Variants in ADAM18 observed in about 807,000 individuals in gnomAD.
ADAM18 encodes disintegrin and metalloproteinase domain-containing protein 18.
ADAM18 carries 117 observed loss-of-function variants against 94.4 expected under a neutral mutation model. The observed-to-expected ratio is 1.24, with a 90% CI of 1.07 to 1.45. The LOEUF is 1.45. Among genes scored for constraint, ADAM18 ranks in the 40% most tolerant of loss-of-function variants. The pLI is 0.00. For missense variants in ADAM18, 936 were observed against 880.0 expected (o/e 1.06, Z -0.81); for synonymous variants, 327 against 291.6 (o/e 1.12, Z -1.24).
At chr8:39,602,414 A>AT (rs1563270174) in intron 2 of ADAM18, among the ~76,000 whole-genome samples, 1 of 152,074 alleles carries the variant, frequency 6.6e-6, no homozygotes, top group African/African-American at 2.4e-5. Flanking sequence ...TACTCTTATG[A>AT]TTTTATAGGT....
chr8:39,698,916 A>G (rs1210025042), intron 17 of ADAM18, among the ~76,000 whole-genome samples: 3 of 152,096 alleles, frequency 2.0e-5, no homozygotes, highest in Non-Finnish European at 2.9e-5. Context: ...AACTCTAAGA[A>G]TTACAGCAGT....
chr8:39,645,312 T>C (rs746879401), intron 10 of ADAM18, 26 bp from the exon 11 acceptor site: 2 of 1,566,106 alleles, frequency 1.3e-6, no homozygotes, highest in Admixed American at 3.8e-5. Context: ...ACATAATAAT[T>C]TTCTTTTTCA....
chr8:39,678,501 A>C lies in ADAM18; in HGVS notation c.1631+965A>C, dbSNP rs138837032. ...AGAAAGGTGGAATCACAAAGAAAGTACTGATGAGTGGGGATCTCAGGAGGA... is the reference window on the plus strand; with the variant it reads ...AGAAAGGTGGAATCACAAAGAAAGTCCTGATGAGTGGGGATCTCAGGAGGA... On this transcript the variant is annotated intron_variant, in intron 15 of 19. Transcript: ENST00000265707. 8.1e-3 allele frequency among the ~76,000 whole-genome samples: 1,233 copies of C among 152,270 alleles called. 17 individuals carry two copies. Among genetic ancestry groups the C allele is most frequent in the African/African-American group, 0.028 (1,165 of 41,548 alleles).
intron 15 of ADAM18, among the ~76,000 whole-genome samples, chr8:39,679,318 G>C (rs1483224882): frequency 1.3e-5 from 2 of 152,082 alleles, no homozygotes; most frequent in Admixed American, 1.3e-4. Flanking sequence ...TTGATAATTA[G>C]ATTTCAATAA....
At chr8:39,627,530 A>T (rs1048747599) in intron 6 of ADAM18, among the ~76,000 whole-genome samples, 1 of 151,906 alleles carries the variant, frequency 6.6e-6, no homozygotes, top group Admixed American at 6.6e-5. Context: ...TAAGAATAGC[A>T]CCTCCTGCTT....
intron 13 of ADAM18, among the ~76,000 whole-genome samples, chr8:39,666,989 G>A (rs1563298252): frequency 6.6e-6 from 1 of 152,084 alleles, no homozygotes; most frequent in South Asian, 2.1e-4. Flanking sequence ...ACTATGGATG[G>A]CAATCTATTA....
At chr8:39,713,626 C>T (rs1318965561) in intron 18 of ADAM18, among the ~76,000 whole-genome samples, 3 of 152,054 alleles carry the variant, frequency 2.0e-5, no homozygotes, top group African/African-American at 4.8e-5. Context: ...AAAAAGTGGG[C>T]AAAGGATATC....
intron 11 of ADAM18, among the ~76,000 whole-genome samples, chr8:39,646,392 T>G (rs1346996800): frequency 1.3e-5 from 2 of 151,410 alleles, no homozygotes; most frequent in African/African-American, 4.9e-5. Flanking sequence ...TTAAAACAAT[T>G]AAAATAATCA....
At chr8:39,657,377 T>C (rs375977756) in intron 12 of ADAM18, among the ~76,000 whole-genome samples, 1 of 152,198 alleles carries the variant, frequency 6.6e-6, no homozygotes, top group Non-Finnish European at 1.5e-5. Flanking sequence ...AGTGGCTTGA[T>C]GTCAGCTCAC....
chr8:39,675,929 C>T (rs144289286), intron 14 of ADAM18, among the ~76,000 whole-genome samples: 2,140 of 152,298 alleles, frequency 0.014, 25 homozygotes, highest in Non-Finnish European at 0.023. Flanking sequence ...CACTCCAGAC[C>T]CTGTTTCCCT....
intron 14 of ADAM18, 30 bp downstream of exon 14, chr8:39,668,226 C>T (rs1428734023): frequency 1.9e-6 from 3 of 1,605,114 alleles, no homozygotes; most frequent in South Asian, 2.2e-5. Flanking sequence ...ATTTATTTTA[C>T]CTTACATTTG....
chr8:39,635,878 TA>T (rs1331511677), intron 7 of ADAM18, among the ~76,000 whole-genome samples: 3 of 152,208 alleles, frequency 2.0e-5, no homozygotes, highest in Admixed American at 6.5e-5. Flanking sequence ...AAGCTGTTGT[TA>T]AAGCAGTGTT....
intron 3 of ADAM18, 68 bp from the exon 4 acceptor site, chr8:39,608,974 T>C (rs554855558): frequency 1.3e-5 from 11 of 871,846 alleles, no homozygotes; most frequent in South Asian, 1.1e-4. Flanking sequence ...AAAATGTATG[T>C]AATATTTGTT....
intron 6 of ADAM18, among the ~76,000 whole-genome samples, chr8:39,613,748 A>G (rs7838768): frequency 0.91 from 138,564 of 152,194 alleles, 63,260 homozygotes; most frequent in Middle Eastern, 0.98. Flanking sequence ...ACAATGAGGA[A>G]GTGAAAGAGG....
Position 39,700,605 on chromosome 8 carries a change from G to A in ADAM18, c.1903-6185G>A, listed in dbSNP as rs889679923. Among the ~76,000 whole-genome samples, 8 of 151,678 alleles carry A rather than the reference G, an allele frequency of 5.3e-5. 1 individual carries two copies. Among genetic ancestry groups the A allele is most frequent in the Admixed American group, 2.6e-4 (4 of 15,226 alleles). ...CCAACCTCTTTTTATTTAACTAATT[G>A]GGACATTATTAACATTAATTTCTGA... On this transcript the variant is annotated intron_variant, in intron 17 of 19. Transcript: ENST00000265707.
chr8:39,652,477 T>A (rs559823596), intron 12 of ADAM18, among the ~76,000 whole-genome samples: 2 of 152,192 alleles, frequency 1.3e-5, no homozygotes, highest in Non-Finnish European at 2.9e-5. Context: ...GTAATTCAAA[T>A]TAAAATCAGA....
chr8:39,633,344 C>T (rs944344822), intron 7 of ADAM18, among the ~76,000 whole-genome samples: 2 of 152,108 alleles, frequency 1.3e-5, no homozygotes, highest in African/African-American at 4.8e-5. Flanking sequence ...ATGGAAAAAG[C>T]TTGTATTACT....
At chr8:39,630,949 G>T (rs569116470) in intron 7 of ADAM18, among the ~76,000 whole-genome samples, 1 of 151,898 alleles carries the variant, frequency 6.6e-6, no homozygotes, top group African/African-American at 2.4e-5. Context: ...ATATCATATG[G>T]TGGTTTTTAG....
intron 18 of ADAM18, among the ~76,000 whole-genome samples, chr8:39,713,238 T>C (rs1822469429): frequency 6.6e-6 from 1 of 152,208 alleles, no homozygotes; most frequent in Non-Finnish European, 1.5e-5. Context: ...GCTAGTCGCA[T>C]GTAGAAAACT....
Sources: allele counts gnomAD v4.1 joint callset (sites outside exome capture counted in the v4.1 genomes callset), GRCh38; gene constraint gnomAD v4.1.1; transcripts MANE v1.5; gene names NCBI Gene and HGNC (gene_info 2026-07-23, HGNC 2026-07-21).